KCNJ6: variants seen among roughly 807,000 people sequenced by gnomAD.
The protein encoded by KCNJ6 is G protein-activated inward rectifier potassium channel 2.
Under a neutral mutation model 34.2 loss-of-function variants are expected in KCNJ6, and 9 were observed. The observed-to-expected ratio is 0.26, with a 90% CI of 0.16 to 0.46. The LOEUF is 0.46. KCNJ6 is among the 20% of genes least tolerant of loss of function. KCNJ6 has a pLI of 1.00. For missense variants in KCNJ6, 236 were observed against 531.3 expected (o/e 0.44, Z 5.46); for synonymous variants, 196 against 207.1 (o/e 0.95, Z 0.46).
At chr21:37,806,080 G>C (rs568109394) in intron 2 of KCNJ6, among the ~76,000 whole-genome samples, 1 of 152,230 alleles carries the variant, frequency 6.6e-6, no homozygotes, top group African/African-American at 2.4e-5. Context: ...AAACATGTTT[G>C]TTGAGTGAAT....
chr21:37,758,511 G>A (rs1439199339), intron 2 of KCNJ6, among the ~76,000 whole-genome samples: 1 of 152,180 alleles, frequency 6.6e-6, no homozygotes, highest in Admixed American at 6.5e-5. Context: ...TTTTACCACT[G>A]CGGATTTCAA....
intron 1 of KCNJ6, among the ~76,000 whole-genome samples, chr21:37,915,433 G>C (rs1265084101): frequency 2.0e-5 from 3 of 151,902 alleles, no homozygotes; most frequent in African/African-American, 4.8e-5. Context: ...CCTCCCTTTC[G>C]TGTTGTCTCC....
chr21:37,656,904 C>T (rs1005294459), intron 3 of KCNJ6, among the ~76,000 whole-genome samples: 3 of 152,152 alleles, frequency 2.0e-5, no homozygotes, highest in Non-Finnish European at 4.4e-5. Context: ...GGCACCCCAG[C>T]GCCAGGGTAC....
At chr21:37,668,091 C>G (rs2054525143) in intron 3 of KCNJ6, among the ~76,000 whole-genome samples, 1 of 152,172 alleles carries the variant, frequency 6.6e-6, no homozygotes, top group African/African-American at 2.4e-5. Flanking sequence ...GCCTGGCTCC[C>G]TTGGGGACGG....
chr21:37,805,576 T>C (rs1255082637), intron 2 of KCNJ6, among the ~76,000 whole-genome samples: 1 of 151,470 alleles, frequency 6.6e-6, no homozygotes, highest in East Asian at 2.0e-4. Flanking sequence ...CCCTGCTGTG[T>C]TCCCTTCTTG....
chr21:37,657,171 C>G (rs2054468197), intron 3 of KCNJ6, among the ~76,000 whole-genome samples: 1 of 152,160 alleles, frequency 6.6e-6, no homozygotes, highest in South Asian at 2.1e-4. Context: ...TATCTGGGAC[C>G]TGGGAACTCT....
At chr21:37,892,033 T>C (rs1380705670) in intron 1 of KCNJ6, among the ~76,000 whole-genome samples, 5 of 152,242 alleles carry the variant, frequency 3.3e-5, no homozygotes, top group African/African-American at 7.2e-5. Context: ...AATTTGCAGG[T>C]ATCTTTTTAA....
chr21:37,835,107 G>A (rs1381413276), intron 2 of KCNJ6, among the ~76,000 whole-genome samples: 2 of 152,190 alleles, frequency 1.3e-5, no homozygotes, highest in Non-Finnish European at 2.9e-5. Flanking sequence ...AGACTGGCAG[G>A]ATAGAGACAG....
chr21:37,714,204 A>G lies in KCNJ6; in HGVS notation c.946+7T>C. 6.2e-7 allele frequency: 1 copy of G among 1,603,624 alleles called. No individual in the cohort carries two copies. The highest frequency in any genetic ancestry group is 8.5e-7 in the Non-Finnish European group (1 of 1,171,560). On this transcript the variant is annotated splice_region_variant and intron_variant, in intron 3 of 3. Transcript: ENST00000609713. The surrounding 1 kb of genome is among the most constrained non-coding windows in gnomAD (Gnocchi z 5.9). Reference sequence around the variant, plus strand: ...CCACAGCCATCCCAGGATAGAACACATCTTACCTGTGGCTTCCACCATTCC... The same window carrying G: ...CCACAGCCATCCCAGGATAGAACACGTCTTACCTGTGGCTTCCACCATTCC...
chr21:37,845,547 C>T (rs2055502602), intron 1 of KCNJ6, among the ~76,000 whole-genome samples: 1 of 152,216 alleles, frequency 6.6e-6, no homozygotes, highest in Non-Finnish European at 1.5e-5. Context: ...GGAATTTGCA[C>T]TGCCTGATTC....
intron 1 of KCNJ6, among the ~76,000 whole-genome samples, chr21:37,911,721 T>A (rs894642380): frequency 7.2e-5 from 11 of 152,170 alleles, no homozygotes; most frequent in African/African-American, 2.7e-4. Context: ...AAGGAAGAAC[T>A]GGTGAAAAAG....
rs933177279 is a variant in KCNJ6 at position 37,615,519 on chromosome 21, T to C, written c.*9640A>G. ...TCCATGGGGCCAGACTAAATTGAGC[T>C]CTGAAAGTTTCAGTGGTAAATTCCA... On this transcript the variant is annotated 3_prime_UTR_variant, in exon 4 of 4. Coordinates refer to ENST00000609713, the MANE Select transcript of KCNJ6 (RefSeq NM_002240.5). 2 of 152,184 alleles carry C rather than the reference T, an allele frequency of 1.3e-5. No homozygotes were observed. The highest frequency in any genetic ancestry group is 4.8e-5 in the African/African-American group (2 of 41,422). The allele number at this position is 152,184 out of a possible 1,614,324, so 9.4% of individuals were successfully genotyped here.
chr21:37,851,521 C>T (rs957349326), intron 1 of KCNJ6, among the ~76,000 whole-genome samples: 18 of 152,070 alleles, frequency 1.2e-4, no homozygotes, highest in African/African-American at 3.9e-4. Flanking sequence ...TGCTTCTTGT[C>T]GTGTGTTTTC....
At chr21:37,764,431 T>C (rs570962026) in intron 2 of KCNJ6, among the ~76,000 whole-genome samples, 1 of 150,480 alleles carries the variant, frequency 6.6e-6, no homozygotes, top group South Asian at 2.1e-4. Flanking sequence ...CAGGCTGGAG[T>C]GCAGTGGCAC....
At chr21:37,836,604 C>A (rs62221973) in intron 2 of KCNJ6, among the ~76,000 whole-genome samples, 397 of 152,196 alleles carry the variant, frequency 2.6e-3, no homozygotes, top group Non-Finnish European at 4.7e-3. Flanking sequence ...ATGGATGAAG[C>A]TGGAAACTAT....
chr21:37,720,765 T>C (rs1347704685), intron 2 of KCNJ6, among the ~76,000 whole-genome samples: 1 of 150,350 alleles, frequency 6.7e-6, no homozygotes, highest in Non-Finnish European at 1.5e-5. Flanking sequence ...CGGACTGCAG[T>C]GGCGCAATCT....
At chr21:37,770,239 C>G (rs979964180) in intron 2 of KCNJ6, among the ~76,000 whole-genome samples, 1 of 152,170 alleles carries the variant, frequency 6.6e-6, no homozygotes, top group African/African-American at 2.4e-5. Context: ...TTGTAAGACA[C>G]TGCTGATTCT....
intron 1 of KCNJ6, among the ~76,000 whole-genome samples, chr21:37,910,006 G>A (rs1305196483): frequency 6.6e-6 from 1 of 152,196 alleles, no homozygotes; most frequent in African/African-American, 2.4e-5. Flanking sequence ...CCATGTCTGA[G>A]CAGAAATGTT....
chr21:37,847,377 A>T (rs1288310964), intron 1 of KCNJ6, among the ~76,000 whole-genome samples: 1 of 124,280 alleles, frequency 8.0e-6, no homozygotes, highest in Non-Finnish European at 1.7e-5. Context: ...CATGAAACCC[A>T]ACAAGTCTTC....
Sources: gnomAD v4.1 joint callset for allele counts (sites outside exome capture counted in the v4.1 genomes callset) on GRCh38, gnomAD v4.1.1 for gene constraint, Gnocchi (gnomAD v3.1) non-coding constraint, MANE v1.5 for transcripts, NCBI Gene and HGNC (gene_info 2026-07-23, HGNC 2026-07-21) for gene names.